BEND4: variants seen among roughly 807,000 people sequenced by gnomAD.
The protein encoded by BEND4 is BEN domain containing 4.
Under a neutral mutation model 54.7 loss-of-function variants are expected in BEND4, and 27 were observed. The ratio of observed to expected loss-of-function variants is 0.49; its 90% CI spans 0.36 to 0.68. The LOEUF (loss-of-function observed/expected upper bound fraction) is 0.68, where lower values mean the gene tolerates loss of function less well. Among genes scored for constraint, BEND4 ranks in the 30% least tolerant of loss-of-function variants. The probability of loss-of-function intolerance (pLI) is 0.00; values close to 1 mark genes in which losing one functional copy is unlikely to be tolerated. For synonymous variants in BEND4, 327 were observed against 299.5 expected (o/e 1.09, Z -0.95); for missense variants, 702 against 697.2 (o/e 1.01, Z -0.08).
chr4:42,125,332 G>A (rs1241047652), intron 4 of BEND4, among the ~76,000 whole-genome samples: 1 of 152,138 alleles, frequency 6.6e-6, no homozygotes, highest in Admixed American at 6.5e-5. Flanking sequence ...ACAGAATGGT[G>A]GAAAAATTGC....
intron 3 of BEND4, among the ~76,000 whole-genome samples, chr4:42,139,410 C>CCT (rs1720807507): frequency 6.6e-6 from 1 of 151,898 alleles, no homozygotes; most frequent in African/African-American, 2.4e-5. Context: ...TAACACTGCC[C>CCT]CTCTCAGAGT....
Position 42,152,112 on chromosome 4 carries a change from C to T in BEND4, c.32G>A (p.Gly11Glu). Reference protein sequence around the residue: MEEEMQPAEEGPSVPKIYKQR... With the variant: MEEEMQPAEEEPSVPKIYKQR... ...CTTGTAGATTTTGGGGACGCTGGGC[C>T]CCTCCTCTGCCGGCTGCATCTCTTC... The change falls in exon 2 of 6, where the codon GGG becomes GAG. Residue 11 changes from glycine to glutamate, a missense_variant. Transcript: ENST00000502486. The T allele has an allele frequency of 4.0e-6, 5 of 1,247,560 alleles. No individual in the cohort carries two copies. Among genetic ancestry groups the T allele is most frequent in the Non-Finnish European group, 5.1e-6 (5 of 987,378 alleles). 77.3% of individuals were successfully genotyped at this position (1,247,560 alleles called of 1,614,324 possible).
intron 3 of BEND4, among the ~76,000 whole-genome samples, chr4:42,136,791 A>C (rs1720713654): frequency 2.6e-5 from 4 of 152,190 alleles, no homozygotes; most frequent in Non-Finnish European, 5.9e-5. Context: ...TACAGAGAAA[A>C]CAAGCATGTT....
At chr4:42,150,690 G>A (rs1226858172) in intron 2 of BEND4, among the ~76,000 whole-genome samples, 1 of 152,244 alleles carries the variant, frequency 6.6e-6, no homozygotes, top group Non-Finnish European at 1.5e-5. Flanking sequence ...GCAGGCCTCA[G>A]GCTGTGGCCT....
chr4:42,123,710 A>AC, intron 4 of BEND4, among the ~76,000 whole-genome samples: 1 of 151,438 alleles, frequency 6.6e-6, no homozygotes, highest in South Asian at 2.1e-4. Flanking sequence ...AAAAAAAAAA[A>AC]AAAAAAACAA....
In BEND4 at chr4:42,152,005, C is replaced by A; in HGVS notation, c.139G>T (p.Val47Leu). The A allele has an allele frequency of 8.0e-7, 1 of 1,254,726 alleles. No homozygotes were observed. The highest frequency in any genetic ancestry group is 1.6e-5 in the African/African-American group (1 of 64,384). The allele number at this position is 1,254,726 out of a possible 1,614,324, so 77.7% of individuals were successfully genotyped here. Residue 47 changes from valine (V) to leucine (L), a missense_variant, in exon 2 of 6, where the codon GTG becomes TTG. Physicochemically the swap from Val to Leu is conservative, Grantham distance 32. Transcript: ENST00000502486. Reference sequence around the variant, plus strand: ...GGCGCCCGCACGTGCGGCAGCTCCACCAGGGTGGGTCGCTCGTAGCGCTTG... The same window carrying A: ...GGCGCCCGCACGTGCGGCAGCTCCAACAGGGTGGGTCGCTCGTAGCGCTTG... Reference protein sequence around the residue: ...LAKRYERPTLVELPHVRAPPP... With the variant: ...LAKRYERPTLLELPHVRAPPP...
intron 3 of BEND4, among the ~76,000 whole-genome samples, chr4:42,128,228 A>G (rs1577752928): frequency 1.3e-5 from 2 of 152,222 alleles, no homozygotes; most frequent in African/African-American, 4.8e-5. Flanking sequence ...CGACAAATCC[A>G]CAGCCAATAT....
At chr4:42,139,886 A>G (rs1230773378) in intron 3 of BEND4, among the ~76,000 whole-genome samples, 1 of 152,208 alleles carries the variant, frequency 6.6e-6, no homozygotes, top group African/African-American at 2.4e-5. Flanking sequence ...GGGAAAATCC[A>G]TCCCAAATTA....
chr4:42,111,066 T>A lies in BEND4; in HGVS notation c.*6452A>T, dbSNP rs143248234. ...TGAAATAATTGGCTCTAGTAACAAATGTCTCTTATAATTAAAAATATTGAA... is the reference window on the plus strand; with the variant it reads ...TGAAATAATTGGCTCTAGTAACAAAAGTCTCTTATAATTAAAAATATTGAA... On this transcript the variant is annotated 3_prime_UTR_variant, in exon 6 of 6. Transcript: ENST00000502486. 2.0e-5 allele frequency: 3 copies of A among 152,212 alleles called. No homozygotes were observed. Among genetic ancestry groups the A allele is most frequent in the Admixed American group, 6.5e-5 (1 of 15,286 alleles). The allele number at this position is 152,212 out of a possible 1,614,324, so 9.4% of individuals were successfully genotyped here.
intron 3 of BEND4, among the ~76,000 whole-genome samples, chr4:42,132,936 A>C (rs1226087017): frequency 6.6e-6 from 1 of 152,228 alleles, no homozygotes; most frequent in African/African-American, 2.4e-5. Context: ...AAAGGCAGCT[A>C]AAACGTACCT....
rs372336500 is a variant in BEND4 at position 42,143,528 on chromosome 4, G to C, written c.954C>G (p.Asp318Glu). ...GGCATCGAGGACAATAGCCTTCCTCGTCCTCCTCCTCCTCCTCTTCTGGCA... is the reference window on the plus strand; with the variant it reads ...GGCATCGAGGACAATAGCCTTCCTCCTCCTCCTCCTCCTCCTCTTCTGGCA... ...STLPEEEEEE[D>E]EEGYCPRCQE... Residue 318 changes from aspartate (D) to glutamate (E), a missense_variant, in exon 3 of 6, where the codon GAC (aspartate) becomes GAG (glutamate). Transcript: ENST00000502486. 4 of 1,553,676 alleles carry C rather than the reference G, an allele frequency of 2.6e-6. No homozygotes were observed. Among genetic ancestry groups the C allele is most frequent in the Non-Finnish European group, 3.5e-6 (4 of 1,147,888 alleles).
intron 3 of BEND4, among the ~76,000 whole-genome samples, chr4:42,141,861 T>C (rs1019352661): frequency 3.0e-4 from 46 of 152,362 alleles, no homozygotes; most frequent in African/African-American, 1.1e-3. Flanking sequence ...TAGTAGTACA[T>C]GTATGCAGTT....
intron 2 of BEND4, 167 bp downstream of exon 2, chr4:42,151,490 G>A: frequency 4.5e-6 from 3 of 659,702 alleles, no homozygotes; most frequent in Non-Finnish European, 6.6e-6. Context: ...CGGCGCTGGA[G>A]AATCCTCTCG....
At chr4:42,145,480 G>A (rs2063949596) in intron 2 of BEND4, among the ~76,000 whole-genome samples, 1 of 152,024 alleles carries the variant, frequency 6.6e-6, no homozygotes, top group African/African-American at 2.4e-5. Flanking sequence ...AGATCACGAG[G>A]TGGGAGATCG....
rs1228335259 is a variant in BEND4, at chr4:42,116,513, A to C, written c.*1005T>G. 6.6e-6 allele frequency: 1 copy of C among 152,236 alleles called. No homozygotes were observed. The highest frequency in any genetic ancestry group is 1.5e-5 in the Non-Finnish European group (1 of 68,048). 9.4% of individuals were successfully genotyped at this position (152,236 alleles called of 1,614,324 possible). On this transcript the variant is annotated 3_prime_UTR_variant, in exon 6 of 6. Transcript: ENST00000502486. Reference sequence around the variant, plus strand: ...GGACAATGGGAAACAAGTTTCATACAAATTCTAAAGATCAGCTCAGCAGAG... The same window carrying C: ...GGACAATGGGAAACAAGTTTCATACCAATTCTAAAGATCAGCTCAGCAGAG...
Position 42,117,310 on chromosome 4 carries a change from T to A in BEND4, c.*208A>T. Reference sequence around the variant, plus strand: ...AAAAATCAGATGTAGTTTTTTCTTTTTATAATATAATATTCCAAAAGTCTG... The same window carrying A: ...AAAAATCAGATGTAGTTTTTTCTTTATATAATATAATATTCCAAAAGTCTG... On this transcript the variant is annotated 3_prime_UTR_variant, in exon 6 of 6. Transcript: ENST00000502486. The A allele has an allele frequency of 2.1e-6, 1 of 479,820 alleles. No individual in the cohort carries two copies. The highest frequency in any genetic ancestry group is 3.6e-6 in the Non-Finnish European group (1 of 274,790). The allele number at this position is 479,820 out of a possible 1,614,324, so 29.7% of individuals were successfully genotyped here.
At position 42,112,442 on chromosome 4, in the gene BEND4, T is replaced by C. The variant is rs1408076647; in HGVS notation, c.*5076A>G. The C allele has an allele frequency of 6.6e-6, 1 of 152,256 alleles. No individual in the cohort carries two copies. Among genetic ancestry groups the C allele is most frequent in the African/African-American group, 2.4e-5 (1 of 41,472 alleles). The allele number at this position is 152,256 out of a possible 1,614,324, so 9.4% of individuals were successfully genotyped here. A position where few individuals can be genotyped will look rare whatever the true frequency, so the allele number is the denominator to read the frequency against. ...CCAGGATACATCTGGCCACTTGTAC[T>C]GGCCCAATTATTCCAAGAATAAAGA... On this transcript the variant is annotated 3_prime_UTR_variant, in exon 6 of 6. Transcript: ENST00000502486.
chr4:42,124,894 A>T (rs1720213506), intron 4 of BEND4, among the ~76,000 whole-genome samples: 1 of 152,094 alleles, frequency 6.6e-6, no homozygotes, highest in Non-Finnish European at 1.5e-5. Flanking sequence ...AAGGAGATGG[A>T]AGTAGAAAGG....
At chr4:42,118,462 C>T (rs1009457874) in intron 5 of BEND4, among the ~76,000 whole-genome samples, 4 of 152,152 alleles carry the variant, frequency 2.6e-5, no homozygotes, top group South Asian at 2.1e-4. Flanking sequence ...TGGAGGTCCA[C>T]GCATTGTGGC....
Sources: gnomAD v4.1 joint callset for allele counts (sites outside exome capture counted in the v4.1 genomes callset) on GRCh38, gnomAD v4.1.1 for gene constraint, MANE v1.5 for transcripts, NCBI Gene and HGNC (gene_info 2026-07-23, HGNC 2026-07-21) for gene names.